GUCY1A1: variants seen among roughly 807,000 people sequenced by gnomAD.
GUCY1A1 encodes guanylate cyclase soluble subunit alpha-1.
A neutral mutation model predicts 64.5 loss-of-function variants in GUCY1A1; 48 were observed. That is an observed-to-expected ratio of 0.74 (90% CI 0.59 to 0.95). The LOEUF (loss-of-function observed/expected upper bound fraction) is 0.95. GUCY1A1 is among the 40% of genes least tolerant of loss of function. GUCY1A1 has a pLI of 0.00. For synonymous variants in GUCY1A1, 308 were observed against 303.4 expected (o/e 1.02, Z -0.16); for missense variants, 804 against 825.3 (o/e 0.97, Z 0.32).
At chr4:155,693,505 C>A (rs1730023959) in intron 2 of GUCY1A1, among the ~76,000 whole-genome samples, 2 of 151,948 alleles carry the variant, frequency 1.3e-5, no homozygotes, top group South Asian at 4.2e-4. Context: ...TTTTGCCTGC[C>A]AGGAATATTC....
intron 8 of GUCY1A1, among the ~76,000 whole-genome samples, chr4:155,718,146 C>T (rs1733504752): frequency 6.6e-6 from 1 of 152,148 alleles, no homozygotes; most frequent in African/African-American, 2.4e-5. Flanking sequence ...ACCTTTGTCT[C>T]ACAGTGAATC....
chr4:155,670,843 G>A (rs555143891), intron 2 of GUCY1A1, among the ~76,000 whole-genome samples: 1 of 152,232 alleles, frequency 6.6e-6, no homozygotes, highest in East Asian at 1.9e-4. Context: ...ACCATACTAA[G>A]AATTAGCAGG....
At chr4:155,680,699 A>G (rs1735609060) in intron 2 of GUCY1A1, among the ~76,000 whole-genome samples, 1 of 152,198 alleles carries the variant, frequency 6.6e-6, no homozygotes, top group South Asian at 2.1e-4. Flanking sequence ...AGAAAATGTT[A>G]CAAAGAAAAT....
chr4:155,727,967 G>C (rs1208861412), intron 9 of GUCY1A1, among the ~76,000 whole-genome samples: 1 of 151,770 alleles, frequency 6.6e-6, no homozygotes, highest in East Asian at 1.9e-4. Flanking sequence ...TCATCAATAA[G>C]ATGTCACTTC....
chr4:155,722,795 G>T (rs568749036), intron 9 of GUCY1A1, among the ~76,000 whole-genome samples: 1 of 152,244 alleles, frequency 6.6e-6, no homozygotes, highest in South Asian at 2.1e-4. Context: ...GAAACAGTTT[G>T]GGTAAGGTTT....
At chr4:155,672,018 G>A (rs1262066580) in intron 2 of GUCY1A1, among the ~76,000 whole-genome samples, 1 of 148,682 alleles carries the variant, frequency 6.7e-6, no homozygotes, top group Non-Finnish European at 1.5e-5. Context: ...TCCCCCCTCC[G>A]TTTTTTTTTT....
chr4:155,685,754 T>G (rs6840344), intron 2 of GUCY1A1, among the ~76,000 whole-genome samples: 147,647 of 152,086 alleles, frequency 0.97, 71,831 homozygotes, highest in East Asian at 1. Flanking sequence ...ATAAGTTTCT[T>G]GTCCTTTCTC....
chr4:155,693,642 A>G (rs180758911), intron 2 of GUCY1A1, among the ~76,000 whole-genome samples: 113 of 152,312 alleles, frequency 7.4e-4, no homozygotes, highest in African/African-American at 2.6e-3. Context: ...TAGTTTGTTT[A>G]TACATATGTA....
chr4:155,690,840 G>C lies in GUCY1A1; in HGVS notation c.-112-5916G>C, dbSNP rs536478988. ...TGGATTGTAAGTTCTTGAGAGCAAG[G>C]GGTGTTCTTTACACATCACTCTGAC... On this transcript the variant is annotated intron_variant, in intron 2 of 9. Transcript: ENST00000506455. 3.2e-3 allele frequency among the ~76,000 whole-genome samples: 493 copies of C among 152,260 alleles called. 4 individuals carry two copies. Among genetic ancestry groups the C allele is most frequent in the African/African-American group, 0.01 (422 of 41,542 alleles).
At chr4:155,716,229 A>G (rs1037676031) in intron 7 of GUCY1A1, among the ~76,000 whole-genome samples, 1 of 152,176 alleles carries the variant, frequency 6.6e-6, no homozygotes, top group Non-Finnish European at 1.5e-5. Flanking sequence ...GGGTATCAGC[A>G]TCTACTCTGA....
chr4:155,670,993 T>C (rs796582712), intron 2 of GUCY1A1, among the ~76,000 whole-genome samples: 1 of 152,220 alleles, frequency 6.6e-6, no homozygotes, highest in African/African-American at 2.4e-5. Flanking sequence ...TCACATGACA[T>C]TGAAAGTACC....
chr4:155,692,590 T>C (rs1729888623), intron 2 of GUCY1A1, among the ~76,000 whole-genome samples: 1 of 152,244 alleles, frequency 6.6e-6, no homozygotes, highest in African/African-American at 2.4e-5. Context: ...GTTGGTCACA[T>C]GTATGCCTTC....
chr4:155,707,030 A>G (rs1293959294), intron 4 of GUCY1A1, among the ~76,000 whole-genome samples: 2 of 152,266 alleles, frequency 1.3e-5, no homozygotes, highest in African/African-American at 4.8e-5. Flanking sequence ...CAAGGATTAA[A>G]GTTTAATATA....
intron 3 of GUCY1A1, 80 bp downstream of exon 3, chr4:155,697,202 A>G: frequency 9.9e-7 from 1 of 1,014,576 alleles, no homozygotes; most frequent in Non-Finnish European, 1.5e-6. Flanking sequence ...AAATTTAAAC[A>G]CTTCCTTTCT....
chr4:155,725,093 T>A (rs909122783), intron 9 of GUCY1A1, among the ~76,000 whole-genome samples: 3 of 152,108 alleles, frequency 2.0e-5, no homozygotes, highest in Non-Finnish European at 4.4e-5. Flanking sequence ...TTATCCTATT[T>A]CATCTTCTCA....
chr4:155,709,664 T>C (rs181028988), intron 5 of GUCY1A1, among the ~76,000 whole-genome samples: 165 of 152,134 alleles, frequency 1.1e-3, no homozygotes, highest in Non-Finnish European at 1.6e-3. Flanking sequence ...TGAAAACCCG[T>C]CTCTACTAAA....
At chr4:155,672,134 T>C (rs910746949) in intron 2 of GUCY1A1, among the ~76,000 whole-genome samples, 2 of 152,146 alleles carry the variant, frequency 1.3e-5, no homozygotes, top group Non-Finnish European at 2.9e-5. Flanking sequence ...ATTTGGGACT[T>C]TTACAAATAC....
At chr4:155,691,716 A>G (rs1001662416) in intron 2 of GUCY1A1, among the ~76,000 whole-genome samples, 2 of 152,106 alleles carry the variant, frequency 1.3e-5, no homozygotes, top group Non-Finnish European at 2.9e-5. Flanking sequence ...GATACAGCTA[A>G]TTGCTTTTGT....
intron 2 of GUCY1A1, among the ~76,000 whole-genome samples, chr4:155,693,991 A>G (rs1386762134): frequency 1.3e-5 from 2 of 152,182 alleles, no homozygotes; most frequent in African/African-American, 2.4e-5. Context: ...ATACCAGAAT[A>G]ATTCGTTTTA....
Sources: allele counts gnomAD v4.1 joint callset (sites outside exome capture counted in the v4.1 genomes callset), GRCh38; gene constraint gnomAD v4.1.1; transcripts MANE v1.5; gene names NCBI Gene and HGNC (gene_info 2026-07-23, HGNC 2026-07-21).